Variants in CTNNA3 observed in about 807,000 individuals in gnomAD.
CTNNA3 encodes the protein catenin alpha-3.
A neutral mutation model predicts 95.7 loss-of-function variants in CTNNA3; 76 were observed. The observed-to-expected ratio is 0.79, with a 90% CI of 0.66 to 0.96. CTNNA3 has a LOEUF of 0.96. CTNNA3 is among the 40% of genes least tolerant of loss of function. CTNNA3 has a pLI of 0.00. For missense variants in CTNNA3, 1,191 were observed against 1,089.8 expected, an observed-to-expected ratio of 1.09 and a Z score of -1.31; for synonymous variants, 431 against 374.4, an observed-to-expected ratio of 1.15 and a Z score of -1.74.
At chr10:67,724,332 C>T (rs1256886397) in intron 1 of CTNNA3, among the ~76,000 whole-genome samples, 1 of 152,036 alleles carries the variant, frequency 6.6e-6, no homozygotes, top group Non-Finnish European at 1.5e-5. Context: ...GGTGATAATC[C>T]CTGGTATATG....
intron 4 of CTNNA3, among the ~76,000 whole-genome samples, chr10:67,530,180 G>A (rs1324256744): frequency 2.6e-5 from 4 of 152,166 alleles, no homozygotes; most frequent in Admixed American, 6.5e-5. Flanking sequence ...CAGTAAATTG[G>A]TACCAGTAGA....
At chr10:66,941,516 T>A (rs1847993667) in intron 7 of CTNNA3, among the ~76,000 whole-genome samples, 1 of 152,150 alleles carries the variant, frequency 6.6e-6, no homozygotes, top group Admixed American at 6.6e-5. Flanking sequence ...TCCTTTCAAC[T>A]GTATGGAATT....
chr10:67,734,604 G>A (rs1370318902), intron 1 of CTNNA3, among the ~76,000 whole-genome samples: 1 of 152,140 alleles, frequency 6.6e-6, no homozygotes, highest in Non-Finnish European at 1.5e-5. Flanking sequence ...AATGATAAAA[G>A]TGTAGACATA....
intron 7 of CTNNA3, among the ~76,000 whole-genome samples, chr10:67,069,529 A>G (rs1217003592): frequency 6.6e-6 from 1 of 152,058 alleles, no homozygotes; most frequent in Non-Finnish European, 1.5e-5. Flanking sequence ...AAACTAAGAA[A>G]CAGATATTAC....
At chr10:67,746,541 G>A (rs371613204) in intron 1 of CTNNA3, among the ~76,000 whole-genome samples, 6 of 152,176 alleles carry the variant, frequency 3.9e-5, no homozygotes, top group Admixed American at 6.5e-5. Flanking sequence ...TTTGACCCAC[G>A]GAGAGCAAAG....
chr10:67,261,525 A>G (rs747200023), intron 5 of CTNNA3, among the ~76,000 whole-genome samples: 1 of 152,218 alleles, frequency 6.6e-6, no homozygotes, highest in African/African-American at 2.4e-5. Flanking sequence ...TATATAATGC[A>G]TAATCAAGCA....
chr10:67,116,142 A>C (rs1326253428), intron 7 of CTNNA3, among the ~76,000 whole-genome samples: 1 of 151,986 alleles, frequency 6.6e-6, no homozygotes, highest in East Asian at 1.9e-4. Context: ...TGGTATAATA[A>C]TTTACTATAA....
chr10:67,553,970 C>T (rs974677116), intron 3 of CTNNA3, among the ~76,000 whole-genome samples: 6 of 152,060 alleles, frequency 3.9e-5, no homozygotes, highest in African/African-American at 1.2e-4. Context: ...CCAAGTGTTC[C>T]CATTGTTCAA....
At chr10:67,216,070 T>C (rs1054812345) in intron 6 of CTNNA3, among the ~76,000 whole-genome samples, 6 of 152,200 alleles carry the variant, frequency 3.9e-5, no homozygotes, top group African/African-American at 1.4e-4. Context: ...TAAAATCATA[T>C]TAATGTGCTT....
intron 14 of CTNNA3, among the ~76,000 whole-genome samples, chr10:66,075,595 G>A (rs1589331631): frequency 6.6e-6 from 1 of 151,920 alleles, no homozygotes; most frequent in East Asian, 1.9e-4. Flanking sequence ...ACCTCACAGA[G>A]CCTAGGCAAG....
intron 6 of CTNNA3, among the ~76,000 whole-genome samples, chr10:67,206,373 T>C (rs1183107855): frequency 3.3e-5 from 5 of 152,174 alleles, no homozygotes; most frequent in African/African-American, 1.2e-4. Flanking sequence ...AATTATAAAA[T>C]TGTTTTCCTT....
intron 15 of CTNNA3, among the ~76,000 whole-genome samples, chr10:66,024,085 A>AATTTT (rs2079282708): frequency 1.1e-5 from 1 of 87,750 alleles, no homozygotes; most frequent in Non-Finnish European, 2.1e-5. Context: ...TACCATACAC[A>AATTTT]TTTTTTTTTT....
At chr10:66,823,377 T>C (rs938619863) in intron 7 of CTNNA3, among the ~76,000 whole-genome samples, 2 of 151,450 alleles carry the variant, frequency 1.3e-5, no homozygotes, top group Non-Finnish European at 2.9e-5. Context: ...CAAACAGATG[T>C]TTTATGTGAA....
At chr10:66,027,283 G>A (rs1030213295) in intron 15 of CTNNA3, among the ~76,000 whole-genome samples, 8 of 151,882 alleles carry the variant, frequency 5.3e-5, no homozygotes, top group African/African-American at 1.9e-4. Context: ...ACATACTAGG[G>A]GCTCAAAAGT....
intron 5 of CTNNA3, among the ~76,000 whole-genome samples, chr10:67,305,460 T>C (rs939103831): frequency 2.0e-5 from 3 of 150,860 alleles, no homozygotes; most frequent in Admixed American, 2.0e-4. Flanking sequence ...TAGATAGGTA[T>C]GTAGGGGAGA....
intron 7 of CTNNA3, among the ~76,000 whole-genome samples, chr10:67,178,577 C>G (rs926801431): frequency 6.6e-6 from 1 of 152,042 alleles, no homozygotes; most frequent in African/African-American, 2.4e-5. Context: ...ATTACGTGGC[C>G]AACCTTACCT....
At chr10:66,688,624 G>T (rs935709504) in intron 9 of CTNNA3, among the ~76,000 whole-genome samples, 6 of 151,984 alleles carry the variant, frequency 3.9e-5, no homozygotes, top group Admixed American at 6.6e-5. Context: ...AAGATTTTTT[G>T]TTCATTTATT....
chr10:67,698,530 T>A (rs1564835319), upstream of CTNNA3, among the ~76,000 whole-genome samples: 1 of 152,172 alleles, frequency 6.6e-6, no homozygotes, highest in East Asian at 1.9e-4. Context: ...TTAGTCAGAA[T>A]GGAGTAGTTT....
At chr10:67,011,197 C>T (rs1852309037) in intron 7 of CTNNA3, among the ~76,000 whole-genome samples, 3 of 151,908 alleles carry the variant, frequency 2.0e-5, no homozygotes, top group South Asian at 2.1e-4. Context: ...ATAAATTAGC[C>T]GGGTGTGGTG....
Sources: gnomAD v4.1 joint callset for allele counts (sites outside exome capture counted in the v4.1 genomes callset) on GRCh38, gnomAD v4.1.1 for gene constraint, MANE v1.5 for transcripts, NCBI Gene and HGNC (gene_info 2026-07-23, HGNC 2026-07-21) for gene names.